Variants in NUDT18 observed in about 807,000 individuals in gnomAD.
NUDT18 encodes the protein 8-oxo-dGDP phosphatase NUDT18.
A neutral mutation model predicts 27.6 loss-of-function variants in NUDT18; 26 were observed. The ratio of observed to expected loss-of-function variants is 0.94; its 90% confidence interval spans 0.69 to 1.31. The LOEUF (loss-of-function observed/expected upper bound fraction) is 1.31, where lower values mean the gene tolerates loss of function less well. Among genes scored for constraint, NUDT18 ranks in the 50% most tolerant of loss-of-function variants. The pLI, the probability that NUDT18 is intolerant of heterozygous loss-of-function variation, is 0.00. For synonymous variants in NUDT18, 220 were observed against 196.9 expected, an observed-to-expected ratio of 1.12 and a Z score of -0.98; for missense variants, 450 against 433.4, an observed-to-expected ratio of 1.04 and a Z score of -0.34.
chr8:22,109,324 C>A lies in NUDT18; in HGVS notation c.-24G>T. 1.5e-6 allele frequency: 2 copies of A among 1,340,770 alleles called. No individual in the cohort carries two copies. Among genetic ancestry groups the A allele is most frequent in the African/African-American group, 1.5e-5 (1 of 64,720 alleles). 83.1% of individuals were successfully genotyped at this position (1,340,770 alleles called of 1,614,324 possible). A position where few individuals can be genotyped will look rare whatever the true frequency, so the allele number is the denominator to read the frequency against. On this transcript the variant is annotated 5_prime_UTR_variant, in exon 1 of 3. Coordinates refer to ENST00000611621, the MANE Select transcript of NUDT18 (RefSeq NM_024815.4). ...ATCGGGTCCCCCGGGGGGCGGCGGG[C>A]CGGATCCTCGCAGACCGACTGAGCC...
upstream of NUDT18, chr8:22,109,674 C>G (rs1163596710): frequency 4.3e-6 from 2 of 466,068 alleles, no homozygotes; most frequent in Admixed American, 4.7e-5. Flanking sequence ...CGAGCGCGCA[C>G]TGGTCTGCAG....
At chr8:22,109,564 G>T (rs1480941673), upstream of NUDT18, 2 of 507,768 alleles carry the variant, frequency 3.9e-6, no homozygotes, top group African/African-American at 4.1e-5. Flanking sequence ...GAACTGGGGG[G>T]GCACGGGTCC....
Position 22,108,205 on chromosome 8 carries a change from G to T in NUDT18, c.304C>A (p.Pro102Thr). The T allele has an allele frequency of 6.3e-7, 1 of 1,592,956 alleles. No individual in the cohort carries two copies. Among genetic ancestry groups the T allele is most frequent in the African/African-American group, 1.3e-5 (1 of 74,418 alleles). ...TCCTCCACGGACAGCAGTGTCTCGG[G>T]CTCACAGTGCAGCCCCGCCTCCTCC... ...VKEEAGLHCE[P>T]ETLLSVEERG... is the part of the protein sequence containing the mutation. The change falls in exon 2 of 3, where the codon CCC becomes ACC. Residue 102 changes from proline to threonine, a missense_variant. Pro to Thr is a conservative substitution (Grantham distance 38, BLOSUM62 -1). Coordinates refer to ENST00000611621, the MANE Select transcript of NUDT18 (RefSeq NM_024815.4).
chr8:22,107,104 C>G lies in NUDT18; in HGVS notation c.*196G>C. 1 of 572,486 alleles carries G rather than the reference C, an allele frequency of 1.7e-6. No individual in the cohort carries two copies. Among genetic ancestry groups the G allele is most frequent in the Non-Finnish European group, 3.1e-6 (1 of 323,456 alleles). 35.5% of individuals were successfully genotyped at this position (572,486 alleles called of 1,614,324 possible). ...CAGGTCCTGAGCTTTGGACTCCTCGCTTGGTTAAAGGCACTGTCCCTTGTG... is the reference window on the plus strand; with the variant it reads ...CAGGTCCTGAGCTTTGGACTCCTCGGTTGGTTAAAGGCACTGTCCCTTGTG... On this transcript the variant is annotated 3_prime_UTR_variant, in exon 3 of 3. Coordinates refer to ENST00000611621, the MANE Select transcript of NUDT18 (RefSeq NM_024815.4).
rs1174475476 is a variant in NUDT18, at chr8:22,109,133, G to A, written c.162+6C>T. On this transcript the variant is annotated splice_donor_region_variant and intron_variant, in intron 1 of 2. Transcript: ENST00000611621. Reference sequence around the variant, plus strand: ...AGGCCCGGCGGGCCCGGGGGCGGCCGCTCACCTGCTCGCTGAGGAACACGG... The same window carrying A: ...AGGCCCGGCGGGCCCGGGGGCGGCCACTCACCTGCTCGCTGAGGAACACGG... 2 of 1,421,400 alleles carry A rather than the reference G, an allele frequency of 1.4e-6. No homozygotes were observed. The highest frequency in any genetic ancestry group is 1.8e-6 in the Non-Finnish European group (2 of 1,098,900). 88.0% of individuals were successfully genotyped at this position (1,421,400 alleles called of 1,614,324 possible). A position where few individuals can be genotyped will look rare whatever the true frequency, so the allele number is the denominator to read the frequency against.
At chr8:22,108,061 GC>G (rs1586359703) in intron 2 of NUDT18, 71 bp downstream of exon 2, 1 of 1,410,178 alleles carries the variant, frequency 7.1e-7, no homozygotes, top group East Asian at 2.5e-5. Flanking sequence ...CTGTAGAGGG[GC>G]TCACCTCACC....
rs201858781 is a variant in NUDT18, at chr8:22,108,336, A to G, written c.173T>C (p.Leu58Pro). ...AVFLSEQDEV[L>P]LIQEAKRECR... ...CTCCCTCTTGGCCTCCTGGATCAGT[A>G]GCACCTCATCCTGAGAGGAGAGAGG... The change falls in exon 2 of 3, where the codon CTA becomes CCA. Residue 58 changes from leucine (L) to proline (P), a missense_variant. Physicochemically the swap from Leu to Pro is moderately conservative, Grantham distance 98. Coordinates refer to ENST00000611621, the MANE Select transcript of NUDT18 (RefSeq NM_024815.4). 252 of 1,576,002 alleles carry G rather than the reference A, an allele frequency of 1.6e-4. No individual in the cohort carries two copies. The highest frequency in any genetic ancestry group is 2.1e-4 in the East Asian group (9 of 42,666).
In NUDT18 at chr8:22,109,361, T is replaced by C; in HGVS notation, c.-61A>G. ...AGACCGACTGAGCCGAGCCGCGGGC[T>C]AGAGTGCGCTGCGGAGCCCGCTCCC... On this transcript the variant is annotated 5_prime_UTR_variant, in exon 1 of 3. Transcript: ENST00000611621. The C allele has an allele frequency of 1.5e-6, 2 of 1,327,550 alleles. No individual in the cohort carries two copies. The highest frequency in any genetic ancestry group is 9.6e-7 in the Non-Finnish European group (1 of 1,041,254). 82.2% of individuals were successfully genotyped at this position (1,327,550 alleles called of 1,614,324 possible).
chr8:22,109,592 G>T (rs961035559), upstream of NUDT18: 23 of 515,624 alleles, frequency 4.5e-5, no homozygotes, highest in Admixed American at 4.0e-4. Context: ...AGCGGACCCC[G>T]CCCGGCTTCT....
At position 22,109,127 on chromosome 8, in the gene NUDT18, G is replaced by T. The variant is rs913975386; in HGVS notation, c.162+12C>A. ...CTCCCGAGGCCCGGCGGGCCCGGGGGCGGCCGCTCACCTGCTCGCTGAGGA... is the reference window on the plus strand; with the variant it reads ...CTCCCGAGGCCCGGCGGGCCCGGGGTCGGCCGCTCACCTGCTCGCTGAGGA... On this transcript the variant is annotated intron_variant, in intron 1 of 2. Coordinates refer to ENST00000611621, the MANE Select transcript of NUDT18 (RefSeq NM_024815.4). 4 of 1,409,678 alleles carry T rather than the reference G, an allele frequency of 2.8e-6. No individual in the cohort carries two copies. The highest frequency in any genetic ancestry group is 9.1e-7 in the Non-Finnish European group (1 of 1,093,374). The allele number at this position is 1,409,678 out of a possible 1,614,324, so 87.3% of individuals were successfully genotyped here.
At chr8:22,109,668 C>G (rs1459202547), upstream of NUDT18, 1 of 466,598 alleles carries the variant, frequency 2.1e-6, no homozygotes, top group South Asian at 1.6e-5. Flanking sequence ...ACTCCCCGAG[C>G]GCGCACTGGT....
At chr8:22,109,092 T>G (rs1280013506) in intron 1 of NUDT18, 47 bp downstream of exon 1, 11 of 1,349,452 alleles carry the variant, frequency 8.2e-6, no homozygotes, top group Non-Finnish European at 1.0e-5. Flanking sequence ...CCACCTGGGC[T>G]GGCTGCGCGC....
chr8:22,109,399 A>AGTCCCTGCGGCT lies in NUDT18; in HGVS notation c.-100_-99insAGCCGCAGGGAC, dbSNP rs770879966. The AGTCCCTGCGGCT allele has an allele frequency of 1.0e-5, 3 of 301,106 alleles. No individual in the cohort carries two copies. The highest frequency in any genetic ancestry group is 4.5e-6 in the Non-Finnish European group (1 of 220,656). The allele number at this position is 301,106 out of a possible 1,614,324, so 18.7% of individuals were successfully genotyped here. The stretch of plus-strand genomic sequence containing the variant: ...GGAGCCCGCTCCCAGTCCCTGCGGC[A>AGTCCCTGCGGCT]GCGGGCCGGGAGCTCACGAGAACGC... On this transcript the variant is annotated 5_prime_UTR_variant, in exon 1 of 3. Transcript: ENST00000611621.
chr8:22,110,080 G>A (rs887900402), upstream of NUDT18, among the ~76,000 whole-genome samples: 3 of 152,154 alleles, frequency 2.0e-5, no homozygotes, highest in Admixed American at 2.0e-4. Context: ...TGGGGATGGC[G>A]GGAGGGGTCC....
At position 22,109,403 on chromosome 8, in the gene NUDT18, G is replaced by GAGCCC; in HGVS notation, c.-104_-103insGGGCT. On this transcript the variant is annotated 5_prime_UTR_variant, in exon 1 of 3. Transcript: ENST00000611621. ...CCCGCTCCCAGTCCCTGCGGCAGCGGGCCGGGAGCTCACGAGAACGCGGAA... is the reference window on the plus strand; with the variant it reads ...CCCGCTCCCAGTCCCTGCGGCAGCGGAGCCCGCCGGGAGCTCACGAGAACGCGGAA... The GAGCCC allele has an allele frequency of 5.3e-6, 6 of 1,138,134 alleles. No homozygotes were observed. The African/African-American group carries it at 6.6e-5, about 13-fold the overall frequency. 70.5% of individuals were successfully genotyped at this position (1,138,134 alleles called of 1,614,324 possible).
chr8:22,107,268 C>T lies in NUDT18; in HGVS notation c.*32G>A. The T allele has an allele frequency of 6.6e-7, 1 of 1,508,450 alleles. No homozygotes were observed. Among genetic ancestry groups the T allele is most frequent in the Non-Finnish European group, 8.9e-7 (1 of 1,117,350 alleles). 93.4% of individuals were successfully genotyped at this position (1,508,450 alleles called of 1,614,324 possible). A position where few individuals can be genotyped will look rare whatever the true frequency, so the allele number is the denominator to read the frequency against. The stretch of plus-strand genomic sequence containing the variant: ...CAAGTCCGCACTGGAGGGAGCACGG[C>T]TGCCTAGCTCCCTGTCACCTCCCCC... On this transcript the variant is annotated 3_prime_UTR_variant, in exon 3 of 3. Coordinates refer to ENST00000611621, the MANE Select transcript of NUDT18 (RefSeq NM_024815.4).
At chr8:22,108,933 G>A (rs534461453) in intron 1 of NUDT18, among the ~76,000 whole-genome samples, 60 of 152,346 alleles carry the variant, frequency 3.9e-4, no homozygotes, top group Middle Eastern at 3.4e-3. Flanking sequence ...CTAGTCGGAT[G>A]AGACAAACAG....
upstream of NUDT18, among the ~76,000 whole-genome samples, chr8:22,110,317 C>G (rs1286090265): frequency 6.6e-6 from 1 of 152,266 alleles, no homozygotes; most frequent in Non-Finnish European, 1.5e-5. Flanking sequence ...CTGCTCCTCT[C>G]CCAGCTCGGC....
At position 22,107,016 on chromosome 8, in the gene NUDT18, AC is replaced by A. The variant is rs1482243047; in HGVS notation, c.*283del. ...GCACAGAACGTGATGAGGAGATGCC[AC>A]TGGGGGTGCAGAAAGCTCCCCATCC... On this transcript the variant is annotated 3_prime_UTR_variant, in exon 3 of 3. Transcript: ENST00000611621. The A allele has an allele frequency of 8.6e-5, 35 of 407,476 alleles. No individual in the cohort carries two copies. Among genetic ancestry groups the A allele is most frequent in the Admixed American group, 7.5e-4 (18 of 23,848 alleles). 25.2% of individuals were successfully genotyped at this position (407,476 alleles called of 1,614,324 possible).
Sources: gnomAD v4.1 joint callset for allele counts (sites outside exome capture counted in the v4.1 genomes callset) on GRCh38, gnomAD v4.1.1 for gene constraint, MANE v1.5 for transcripts, NCBI Gene and HGNC (gene_info 2026-07-23, HGNC 2026-07-21) for gene names.